Variants in ROBO1 observed in about 807,000 individuals in gnomAD.
ROBO1 encodes the protein roundabout homolog 1.
A neutral mutation model predicts 195.9 loss-of-function variants in ROBO1; 149 were observed. The ratio of observed to expected loss-of-function variants is 0.76; its 90% CI spans 0.67 to 0.87. ROBO1 has a LOEUF of 0.87. Among genes scored for constraint, ROBO1 ranks in the 40% least tolerant of loss-of-function variants. The pLI, the probability that ROBO1 is intolerant of heterozygous loss-of-function variation, is 0.00. For synonymous variants in ROBO1, 816 were observed against 733.2 expected (o/e 1.11, Z -1.82); for missense variants, 1,933 against 2,068.3 (o/e 0.93, Z 1.27).
At chr3:79,751,011 A>G (rs1295236475) in intron 1 of ROBO1, among the ~76,000 whole-genome samples, 4 of 152,198 alleles carry the variant, frequency 2.6e-5, no homozygotes, top group Non-Finnish European at 5.9e-5. Context: ...TAAAATAAAT[A>G]ATTTCATGTA....
intron 20 of ROBO1, among the ~76,000 whole-genome samples, chr3:78,646,804 ATATAT>A (rs929735013): frequency 6.6e-6 from 1 of 152,024 alleles, no homozygotes; most frequent in Admixed American, 6.6e-5. Context: ...GATAATCAAA[ATATAT>A]TATAATGCTC....
intron 2 of ROBO1, among the ~76,000 whole-genome samples, chr3:79,526,900 C>A (rs759073223): frequency 6.6e-6 from 1 of 152,084 alleles, no homozygotes; most frequent in East Asian, 1.9e-4. Context: ...ATTCTGTATT[C>A]TAACAAGTTG....
At chr3:78,799,054 A>G (rs1479289010) in intron 4 of ROBO1, among the ~76,000 whole-genome samples, 1 of 152,142 alleles carries the variant, frequency 6.6e-6, no homozygotes, top group Non-Finnish European at 1.5e-5. Context: ...TGATGATATG[A>G]TAGATTATTA....
intron 2 of ROBO1, among the ~76,000 whole-genome samples, chr3:79,557,466 G>T (rs1014870091): frequency 7.9e-5 from 12 of 151,858 alleles, no homozygotes; most frequent in Non-Finnish European, 1.3e-4. Flanking sequence ...CAGGCACAGT[G>T]GCTCATGCCT....
At chr3:79,385,653 C>G (rs892972374) in intron 2 of ROBO1, among the ~76,000 whole-genome samples, 1 of 152,060 alleles carries the variant, frequency 6.6e-6, no homozygotes, top group African/African-American at 2.4e-5. Flanking sequence ...TGCTAGACTT[C>G]TGTAAAAGAA....
chr3:78,889,653 T>C (rs957443845), intron 4 of ROBO1, among the ~76,000 whole-genome samples: 1 of 149,826 alleles, frequency 6.7e-6, no homozygotes, highest in East Asian at 2.0e-4. Flanking sequence ...TTGTGAACTA[T>C]GTGTTCCTAA....
At chr3:79,720,774 ATAAT>A (rs1397484969) in intron 1 of ROBO1, among the ~76,000 whole-genome samples, 1 of 149,170 alleles carries the variant, frequency 6.7e-6, no homozygotes. Context: ...AGTCACATAC[ATAAT>A]TAAGGAGTTG....
rs1162437433 is a variant in ROBO1 at position 78,659,748 on chromosome 3, T to C, written c.2380A>G (p.Ile794Val). 2 of 1,596,200 alleles carry C rather than the reference T, an allele frequency of 1.3e-6. No homozygotes were observed. Among genetic ancestry groups the C allele is most frequent in the Admixed American group, 1.7e-5 (1 of 57,714 alleles). ...GGAGGTGGCTGCCAACTAACTAGAA[T>C]TGCAGTTCCGTTTCCATCATTCTTG... is the stretch of plus-strand genomic sequence containing the variant. ...VSKNDGNGTA[I>V]LVSWQPPPED... The change falls in exon 17 of 31, where the codon ATT becomes GTT. Residue 794 changes from isoleucine (I) to valine (V), a missense_variant. By Grantham distance (29) the Ile-to-Val change is conservative. Transcript: ENST00000464233.
At chr3:78,872,905 G>T (rs1204082044) in intron 4 of ROBO1, among the ~76,000 whole-genome samples, 1 of 152,064 alleles carries the variant, frequency 6.6e-6, no homozygotes, top group Non-Finnish European at 1.5e-5. Flanking sequence ...AGTAGTAAGG[G>T]TGTTTCAAAA....
At chr3:78,981,847 A>T (rs1184465050) in intron 3 of ROBO1, among the ~76,000 whole-genome samples, 2 of 151,740 alleles carry the variant, frequency 1.3e-5, no homozygotes, top group African/African-American at 4.8e-5. Flanking sequence ...ACAGTGAGGG[A>T]CTTTCCCTAG....
intron 1 of ROBO1, among the ~76,000 whole-genome samples, chr3:79,598,346 C>G (rs1012959252): frequency 6.6e-6 from 1 of 151,930 alleles, no homozygotes; most frequent in African/African-American, 2.4e-5. Context: ...CAACCTACAC[C>G]AAATTCAGGA....
rs374079839 is a variant in ROBO1, at chr3:79,756,107, T to C, written c.-51+11645A>G. Among the ~76,000 whole-genome samples, 4 of 152,206 alleles carry C rather than the reference T, an allele frequency of 2.6e-5. No individual in the cohort carries two copies. In the South Asian group the frequency reaches 6.2e-4, roughly 24 times the overall value. ...TACTTGTTTAGTATATTACAGTCCA[T>C]AGGGCAGATGCATTGTAGGTATGTT... On this transcript the variant is annotated intron_variant, in intron 1 of 30. Transcript: ENST00000464233.
At chr3:79,260,332 T>C (rs892974898) in intron 2 of ROBO1, among the ~76,000 whole-genome samples, 17 of 152,048 alleles carry the variant, frequency 1.1e-4, no homozygotes, top group South Asian at 6.2e-4. Flanking sequence ...TCCTAAGAGA[T>C]AAAAGAATTT....
chr3:79,487,671 T>C (rs1454879086), intron 2 of ROBO1, among the ~76,000 whole-genome samples: 1 of 152,180 alleles, frequency 6.6e-6, no homozygotes, highest in South Asian at 2.1e-4. Flanking sequence ...AACTCTTAGC[T>C]TTCACCTCAG....
intron 2 of ROBO1, among the ~76,000 whole-genome samples, chr3:79,272,256 G>A (rs974782750): frequency 6.6e-6 from 1 of 151,968 alleles, no homozygotes; most frequent in Non-Finnish European, 1.5e-5. Flanking sequence ...TAATGAGAAA[G>A]ACAGTGGAAG....
At chr3:79,346,943 T>C (rs533308228) in intron 2 of ROBO1, among the ~76,000 whole-genome samples, 26 of 152,116 alleles carry the variant, frequency 1.7e-4, no homozygotes, top group African/African-American at 6.0e-4. Context: ...ACTATGACAA[T>C]TTAAATTGTC....
Position 79,437,269 on chromosome 3 carries a change from T to C in ROBO1, c.88+152555A>G, listed in dbSNP as rs187852991. ...GGTAAATCAGGGGTCAATGACCAGA[T>C]AATATTGCCCAAGTTAATATGAATA... is the stretch of plus-strand genomic sequence containing the variant. On this transcript the variant is annotated intron_variant, in intron 2 of 30. Coordinates refer to ENST00000464233, the MANE Select transcript of ROBO1 (RefSeq NM_002941.4). 2.1e-3 allele frequency among the ~76,000 whole-genome samples: 326 copies of C among 152,152 alleles called. 1 individual carries two copies. Among genetic ancestry groups the C allele is most frequent in the African/African-American group, 7.4e-3 (309 of 41,570 alleles).
intron 27 of ROBO1, among the ~76,000 whole-genome samples, chr3:78,616,182 T>A (rs1258671310): frequency 1.3e-5 from 2 of 152,198 alleles, no homozygotes; most frequent in Non-Finnish European, 2.9e-5. Flanking sequence ...GTTTCGTCCA[T>A]TTAATAAACT....
At chr3:79,578,946 G>T (rs140349308) in intron 2 of ROBO1, among the ~76,000 whole-genome samples, 1 of 152,080 alleles carries the variant, frequency 6.6e-6, no homozygotes, top group Admixed American at 6.6e-5. Flanking sequence ...GTGAACATTC[G>T]TACGCTTATG....
Sources: allele counts gnomAD v4.1 joint callset (sites outside exome capture counted in the v4.1 genomes callset), GRCh38; gene constraint gnomAD v4.1.1; transcripts MANE v1.5; gene names NCBI Gene and HGNC (gene_info 2026-07-23, HGNC 2026-07-21).